Variants in VEZT observed in about 807,000 individuals in gnomAD.
VEZT encodes the protein vezatin, adherens junctions transmembrane protein.
A neutral mutation model predicts 79.9 loss-of-function variants in VEZT; 39 were observed. The ratio of observed to expected loss-of-function variants is 0.49; its 90% CI spans 0.38 to 0.64. The LOEUF is 0.64. Ranked by LOEUF, VEZT falls within the 30% of genes least tolerant of loss-of-function variation. The pLI is 0.00. For synonymous variants in VEZT, 325 were observed against 327.6 expected, an observed-to-expected ratio of 0.99 and a Z score of 0.09; for missense variants, 837 against 893.1, an observed-to-expected ratio of 0.94 and a Z score of 0.80.
At chr12:95,231,329 T>C (rs1391573919) in intron 1 of VEZT, 2 of 152,216 alleles carry the variant, frequency 1.3e-5, no homozygotes, top group East Asian at 3.8e-4. Flanking sequence ...GAAGAAATAA[T>C]GTTCAGATTT....
chr12:95,292,548 A>ATT (rs11428521), intron 9 of VEZT, among the ~76,000 whole-genome samples: 9,447 of 135,446 alleles, frequency 0.07, 460 homozygotes, highest in Middle Eastern at 0.14. Flanking sequence ...GATAACTGTA[A>ATT]TTTTTTTTTT....
chr12:95,293,757 G>A (rs1363287056), intron 9 of VEZT: 1 of 155,932 alleles, frequency 6.4e-6, no homozygotes, highest in Non-Finnish European at 1.4e-5. Flanking sequence ...TCTTCTCCAA[G>A]AGTTTAAAGA....
At chr12:95,259,191 G>GTTTTTTTTTTTT (rs71078691) in intron 3 of VEZT, among the ~76,000 whole-genome samples, 1 of 147,624 alleles carries the variant, frequency 6.8e-6, no homozygotes, top group Non-Finnish European at 1.5e-5. Context: ...AATACTTTCT[G>GTTTTTTTTTTTT]TTTTTTTTTT....
Position 95,262,782 on chromosome 12 carries a change from G to A in VEZT, c.259-124G>A. The A allele has an allele frequency of 4.6e-6, 4 of 872,026 alleles. No individual in the cohort carries two copies. In the East Asian group the frequency reaches 1.1e-4, roughly 25 times the overall value. The allele number at this position is 872,026 out of a possible 1,614,324, so 54.0% of individuals were successfully genotyped here. ...CATACTGAAGGTAGATTGGACTGTT[G>A]TTTCTTCTTGAAGTATCTTCTGAAA... is the stretch of plus-strand genomic sequence containing the variant. On this transcript the variant is annotated intron_variant, in intron 3 of 11. Transcript: ENST00000436874.
At chr12:95,275,271 C>T (rs923184505) in intron 7 of VEZT, among the ~76,000 whole-genome samples, 1 of 152,026 alleles carries the variant, frequency 6.6e-6, no homozygotes, top group Admixed American at 6.6e-5. Flanking sequence ...TCAAAAGCCA[C>T]ATGAAAGGAT....
chr12:95,255,075 T>G (rs903915935), intron 2 of VEZT, among the ~76,000 whole-genome samples: 1 of 152,200 alleles, frequency 6.6e-6, no homozygotes, highest in Non-Finnish European at 1.5e-5. Context: ...TTCCAGGTGC[T>G]TGTTAGACAT....
chr12:95,257,421 A>G (rs1159243731), intron 3 of VEZT, among the ~76,000 whole-genome samples, 182 bp downstream of exon 3: 1 of 152,188 alleles, frequency 6.6e-6, no homozygotes, highest in Admixed American at 6.5e-5. Flanking sequence ...TAAAGAGGTT[A>G]TTAGCCACTC....
chr12:95,255,317 C>T (rs1321325171), intron 2 of VEZT, among the ~76,000 whole-genome samples: 11 of 152,218 alleles, frequency 7.2e-5, no homozygotes, highest in African/African-American at 2.2e-4. Flanking sequence ...CCTTGGTCAT[C>T]AAGTGATACA....
At chr12:95,238,052 G>C (rs1019923185) in intron 1 of VEZT, among the ~76,000 whole-genome samples, 4 of 152,188 alleles carry the variant, frequency 2.6e-5, no homozygotes, top group East Asian at 1.9e-4. Context: ...ATGCCTTGCA[G>C]GGTTGAGCAT....
At chr12:95,223,321 A>T (rs984239878) in intron 1 of VEZT, among the ~76,000 whole-genome samples, 1 of 152,188 alleles carries the variant, frequency 6.6e-6, no homozygotes, top group African/African-American at 2.4e-5. Context: ...CTAGGTTTTC[A>T]AAATTATTGA....
intron 2 of VEZT, among the ~76,000 whole-genome samples, chr12:95,255,878 T>G (rs2063391690): frequency 6.6e-6 from 1 of 152,212 alleles, no homozygotes; most frequent in South Asian, 2.1e-4. Flanking sequence ...ATAATGTTCA[T>G]ACTATTATGG....
intron 1 of VEZT, chr12:95,231,476 A>G (rs1043832066): frequency 3.3e-5 from 5 of 152,208 alleles, no homozygotes; most frequent in Non-Finnish European, 7.3e-5. Context: ...GTATGGATAA[A>G]AAAGAATATG....
chr12:95,295,682 A>G (rs981080996), intron 10 of VEZT, among the ~76,000 whole-genome samples: 9 of 152,224 alleles, frequency 5.9e-5, no homozygotes, highest in African/African-American at 1.9e-4. Flanking sequence ...AAGAACCACA[A>G]GAAAACAAAC....
intron 2 of VEZT, among the ~76,000 whole-genome samples, chr12:95,256,790 A>G (rs111603798): frequency 1.5e-4 from 23 of 152,358 alleles, no homozygotes; most frequent in Middle Eastern, 3.4e-3. Flanking sequence ...AATAAATACT[A>G]TCATCATGTT....
At chr12:95,300,075 A>T in intron 11 of VEZT, 90 bp from the exon 12 acceptor site, 1 of 699,526 alleles carries the variant, frequency 1.4e-6, no homozygotes, top group Non-Finnish European at 2.1e-6. Flanking sequence ...TGTTCTTTTT[A>T]AGAAAAAAAC....
chr12:95,219,587 C>A (rs1267020903), intron 1 of VEZT, among the ~76,000 whole-genome samples: 1 of 152,120 alleles, frequency 6.6e-6, no homozygotes, highest in East Asian at 1.9e-4. Context: ...ATAATATAAC[C>A]TTTTTTTAAA....
intron 1 of VEZT, 60 bp from the exon 2 acceptor site, chr12:95,251,880 C>T: frequency 6.5e-7 from 1 of 1,535,196 alleles, no homozygotes; most frequent in Non-Finnish European, 8.8e-7. Flanking sequence ...TAAGTTTGGC[C>T]CCCGAAACTT....
At chr12:95,223,399 CTTTTTG>C (rs2136506199) in intron 1 of VEZT, among the ~76,000 whole-genome samples, 1 of 152,092 alleles carries the variant, frequency 6.6e-6, no homozygotes, top group African/African-American at 2.4e-5. Context: ...TTATGTTTTT[CTTTTTG>C]TTTTGCATAG....
intron 1 of VEZT, among the ~76,000 whole-genome samples, chr12:95,236,882 T>G (rs7980356): frequency 6.6e-6 from 1 of 152,050 alleles, no homozygotes; most frequent in Non-Finnish European, 1.5e-5. Flanking sequence ...CCATGGTGCT[T>G]GGCTCTTACT....
Sources: allele counts gnomAD v4.1 joint callset (sites outside exome capture counted in the v4.1 genomes callset), GRCh38; gene constraint gnomAD v4.1.1; transcripts MANE v1.5; gene names NCBI Gene and HGNC (gene_info 2026-07-23, HGNC 2026-07-21).